Variants in PSD3 observed in about 807,000 individuals in gnomAD.
PSD3 encodes PH and SEC7 domain-containing protein 3.
In PSD3, 49 loss-of-function variants were observed where a neutral mutation model predicts 105.5. That is an observed-to-expected ratio of 0.46 (90% CI 0.37 to 0.59). The LOEUF is 0.59. Among genes scored for constraint, PSD3 ranks in the 20% least tolerant of loss-of-function variants. The probability of loss-of-function intolerance (pLI) is 0.00; values close to 1 mark genes in which losing one functional copy is unlikely to be tolerated. For missense variants in PSD3, 1,561 were observed against 1,263.8 expected (o/e 1.24, Z -3.57); for synonymous variants, 557 against 457.8 (o/e 1.22, Z -2.77).
intron 8 of PSD3, chr8:18,799,004 A>G (rs1170801916): frequency 3.3e-6 from 1 of 306,642 alleles, no homozygotes; most frequent in African/African-American, 2.2e-5. Flanking sequence ...ACCAGAAAAC[A>G]AAAATAAGTA....
At chr8:18,605,215 C>T (rs1269944707) in intron 11 of PSD3, among the ~76,000 whole-genome samples, 2 of 152,188 alleles carry the variant, frequency 1.3e-5, no homozygotes, top group Non-Finnish European at 2.9e-5. Flanking sequence ...GGGCTGAACC[C>T]TGCAAAGCCA....
chr8:18,981,525 T>G, intron 1 of PSD3, among the ~76,000 whole-genome samples: 1 of 152,166 alleles, frequency 6.6e-6, no homozygotes, highest in South Asian at 2.1e-4. Context: ...AGCTAGCACT[T>G]GAAAAGTATT....
chr8:18,683,717 C>G, intron 9 of PSD3: 1 of 746,110 alleles, frequency 1.3e-6, no homozygotes, highest in Non-Finnish European at 2.5e-6. Context: ...AAAGACTATC[C>G]AATTCTGTTG....
chr8:18,773,332 A>G (rs1368213802), intron 8 of PSD3, among the ~76,000 whole-genome samples: 2 of 152,108 alleles, frequency 1.3e-5, no homozygotes, highest in African/African-American at 2.4e-5. Context: ...TGTGCACTCT[A>G]TTCTATTCCA....
chr8:18,765,036 G>A (rs1806856751), intron 9 of PSD3, among the ~76,000 whole-genome samples: 1 of 152,158 alleles, frequency 6.6e-6, no homozygotes, highest in Non-Finnish European at 1.5e-5. Flanking sequence ...TATTTCCAGA[G>A]ACAACATGAG....
At chr8:18,896,453 G>A (rs546969556) in intron 2 of PSD3, among the ~76,000 whole-genome samples, 17 of 152,206 alleles carry the variant, frequency 1.1e-4, no homozygotes, top group South Asian at 6.2e-4. Context: ...TCGCTCTGTC[G>A]TTCAGGCTGC....
intron 15 of PSD3, among the ~76,000 whole-genome samples, chr8:18,538,048 T>C (rs34460709): frequency 0.04 from 6,071 of 152,094 alleles, 201 homozygotes; most frequent in Non-Finnish European, 0.065. Context: ...ACATGGGCAG[T>C]AGGTATGAGG....
chr8:18,611,612 C>A (rs1805271860), intron 11 of PSD3, among the ~76,000 whole-genome samples: 1 of 151,948 alleles, frequency 6.6e-6, no homozygotes, highest in Admixed American at 6.6e-5. Context: ...ATTAAAGATA[C>A]TGTCTGCTAA....
chr8:18,680,281 GT>G (rs1322095832), intron 9 of PSD3, among the ~76,000 whole-genome samples: 1 of 152,110 alleles, frequency 6.6e-6, no homozygotes, highest in Non-Finnish European at 1.5e-5. Context: ...ATATCCATGG[GT>G]TTTGAAACCC....
At chr8:18,651,773 A>G (rs559079286) in intron 10 of PSD3, among the ~76,000 whole-genome samples, 3 of 152,310 alleles carry the variant, frequency 2.0e-5, no homozygotes, top group Non-Finnish European at 4.4e-5. Flanking sequence ...CTGGACTGTG[A>G]AGGATGATAG....
chr8:18,669,916 C>T (rs1799683034), intron 9 of PSD3, among the ~76,000 whole-genome samples: 1 of 152,144 alleles, frequency 6.6e-6, no homozygotes. Context: ...TTTATTCATT[C>T]ATATATTCAG....
chr8:18,980,925 A>C (rs1261456925), intron 1 of PSD3, among the ~76,000 whole-genome samples: 2 of 152,090 alleles, frequency 1.3e-5, no homozygotes, highest in Non-Finnish European at 2.9e-5. Context: ...TGGTCTTCGC[A>C]CTTAGCTACT....
At chr8:18,827,186 ACT>A (rs1243959929) in intron 4 of PSD3, among the ~76,000 whole-genome samples, 2 of 152,194 alleles carry the variant, frequency 1.3e-5, no homozygotes, top group African/African-American at 4.8e-5. Flanking sequence ...GTGAACACAA[ACT>A]CTGCACAGAA....
intron 9 of PSD3, among the ~76,000 whole-genome samples, chr8:18,752,398 A>G (rs2129438501): frequency 7.1e-6 from 1 of 141,304 alleles, no homozygotes; most frequent in South Asian, 2.2e-4. Flanking sequence ...ACTGGAAGGA[A>G]GGAGATCAAA....
chr8:18,575,273 G>A lies in PSD3; in HGVS notation c.2494C>T (p.Pro832Ser). The stretch of plus-strand genomic sequence containing the variant: ...TCCTCTTCAGACAAGGCCTTTTCTG[G>A]CTTGTATTCATCCTATAGATGGACA... ...VLYLQKDEYK[P>S]EKALSEEDLK... is the part of the protein sequence containing the mutation. Residue 832 changes from proline (P) to serine (S), a missense_variant, in exon 13 of 16, where the codon CCA becomes TCA. Physicochemically the swap from Pro to Ser is moderately conservative, Grantham distance 74. Coordinates refer to ENST00000327040, the MANE Select transcript of PSD3 (RefSeq NM_015310.4). 1 of 1,608,356 alleles carries A rather than the reference G, an allele frequency of 6.2e-7. No individual in the cohort carries two copies. Among genetic ancestry groups the A allele is most frequent in the East Asian group, 2.2e-5 (1 of 44,582 alleles).
chr8:18,594,598 GA>G (rs1803952755), intron 12 of PSD3, among the ~76,000 whole-genome samples: 1 of 150,376 alleles, frequency 6.6e-6, no homozygotes, highest in Non-Finnish European at 1.5e-5. Flanking sequence ...ACAGAAACAA[GA>G]AAGTATAAAG....
intron 1 of PSD3, among the ~76,000 whole-genome samples, chr8:19,059,776 A>T (rs917538481): frequency 2.6e-5 from 4 of 152,246 alleles, no homozygotes; most frequent in Non-Finnish European, 5.9e-5. Flanking sequence ...CAGAAAGTTC[A>T]TGGCCTTTCT....
intron 2 of PSD3, among the ~76,000 whole-genome samples, chr8:18,879,051 AACACACACACACACACACACACACAC>A (rs59598569): frequency 7.2e-6 from 1 of 138,672 alleles, no homozygotes; most frequent in African/African-American, 2.6e-5. Flanking sequence ...CACACACACA[AACACACACACACACACACACACACAC>A]ACACACACAC....
intron 9 of PSD3, among the ~76,000 whole-genome samples, chr8:18,744,535 T>C (rs1804828435): frequency 6.6e-6 from 1 of 152,252 alleles, no homozygotes; most frequent in African/African-American, 2.4e-5. Context: ...TATACAATGC[T>C]GCTTTTAATG....
Sources: allele counts gnomAD v4.1 joint callset (sites outside exome capture counted in the v4.1 genomes callset), GRCh38; gene constraint gnomAD v4.1.1; transcripts MANE v1.5; gene names NCBI Gene and HGNC (gene_info 2026-07-23, HGNC 2026-07-21).